CEP83: variants seen among roughly 807,000 people sequenced by gnomAD.
CEP83 encodes the protein centrosomal protein of 83 kDa.
CEP83 carries 70 observed loss-of-function variants against 101.9 expected under a neutral mutation model. The observed-to-expected ratio is 0.69, with a 90% CI of 0.57 to 0.84. CEP83 has a LOEUF of 0.84. Among genes scored for constraint, CEP83 ranks in the 40% least tolerant of loss-of-function variants. The pLI, the probability that CEP83 is intolerant of heterozygous loss-of-function variation, is 0.00. For synonymous variants in CEP83, 264 were observed against 267.9 expected, an observed-to-expected ratio of 0.99 and a Z score of 0.14; for missense variants, 715 against 787.2, an observed-to-expected ratio of 0.91 and a Z score of 1.10.
At position 94,333,654 on chromosome 12, in the gene CEP83, AAG is replaced by A; in HGVS notation, c.1420-17_1420-16del. ...CTACTGATTTGCTTAAAAGAGAAGA[AAG>A]AAGATAAATTAAAGCCCACTAAATA... On this transcript the variant is annotated splice_polypyrimidine_tract_variant and intron_variant, in intron 12 of 16. Coordinates refer to ENST00000397809, the MANE Select transcript of CEP83 (RefSeq NM_016122.3). 6.2e-7 allele frequency: 1 copy of A among 1,608,296 alleles called. No homozygotes were observed. Among genetic ancestry groups the A allele is most frequent in the Non-Finnish European group, 8.5e-7 (1 of 1,178,208 alleles).
chr12:94,352,040 G>T (rs1394136440), intron 11 of CEP83, among the ~76,000 whole-genome samples: 1 of 152,086 alleles, frequency 6.6e-6, no homozygotes, highest in South Asian at 2.1e-4. Context: ...AAATATACAG[G>T]AAAAAGTCCT....
chr12:94,426,316 C>G (rs1477204409), intron 2 of CEP83, among the ~76,000 whole-genome samples: 2 of 152,106 alleles, frequency 1.3e-5, no homozygotes, highest in Non-Finnish European at 2.9e-5. Flanking sequence ...AAACCCAGCT[C>G]AGGAATGCAT....
chr12:94,402,149 G>A (rs1373832469), intron 5 of CEP83: 2 of 152,142 alleles, frequency 1.3e-5, no homozygotes, highest in African/African-American at 4.8e-5. Flanking sequence ...TTCACCAAAG[G>A]AGACTAGTCT....
upstream of CEP83, chr12:94,460,453 G>A (rs2068059684): frequency 6.6e-6 from 1 of 152,594 alleles, no homozygotes; most frequent in Admixed American, 6.5e-5. Context: ...CAGCCCACGA[G>A]TGGGGAGTCG....
At chr12:94,284,541 A>G in the CEP83 span, among the ~76,000 whole-genome samples, 1 of 152,134 alleles carries the variant, frequency 6.6e-6, no homozygotes, top group Non-Finnish European at 1.5e-5. Flanking sequence ...TCACTGTTAT[A>G]GTTTTGCAAT....
At chr12:94,301,706 A>G (rs183852486), downstream of CEP83, among the ~76,000 whole-genome samples, 15 of 152,228 alleles carry the variant, frequency 9.9e-5, no homozygotes, top group East Asian at 2.9e-3. Flanking sequence ...GGACTTTAAG[A>G]GTACCTGGAA....
upstream of CEP83, chr12:94,460,185 GC>G (rs1223827576): frequency 6.6e-6 from 1 of 152,358 alleles, no homozygotes; most frequent in Non-Finnish European, 1.5e-5. Flanking sequence ...GGAAAATCTA[GC>G]CCCGGGCACT....
chr12:94,293,030 T>C, the CEP83 span, among the ~76,000 whole-genome samples: 22 of 152,220 alleles, frequency 1.4e-4, no homozygotes, highest in African/African-American at 5.3e-4. Flanking sequence ...ATATCTAACA[T>C]GATAGTTTTG....
downstream of CEP83, chr12:94,303,898 T>TAA (rs1448792676): frequency 6.2e-7 from 1 of 1,608,334 alleles, no homozygotes; most frequent in South Asian, 1.1e-5. Flanking sequence ...GAATCTAAGG[T>TAA]ATCATTAGAA....
intron 4 of CEP83, among the ~76,000 whole-genome samples, chr12:94,411,276 T>A (rs191349295): frequency 2.6e-5 from 4 of 152,184 alleles, no homozygotes; most frequent in Non-Finnish European, 5.9e-5. Flanking sequence ...ACATAAATTA[T>A]GTTCACATAC....
At chr12:94,328,187 GA>G (rs1308867574) in intron 14 of CEP83, 4 of 195,826 alleles carry the variant, frequency 2.0e-5, no homozygotes, top group East Asian at 1.8e-4. Flanking sequence ...CAAGAAAAAA[GA>G]AAAAAACCCA....
At chr12:94,346,237 G>C (rs2059927439) in intron 11 of CEP83, among the ~76,000 whole-genome samples, 1 of 152,008 alleles carries the variant, frequency 6.6e-6, no homozygotes. Context: ...ATTTTTAGTA[G>C]AGACGGGGTT....
At chr12:94,334,715 T>G (rs1436436831) in intron 12 of CEP83, among the ~76,000 whole-genome samples, 2 of 152,176 alleles carry the variant, frequency 1.3e-5, no homozygotes, top group Non-Finnish European at 2.9e-5. Flanking sequence ...GAGCAATTTT[T>G]AGCAGAATAA....
chr12:94,328,359 T>C, intron 14 of CEP83: 1 of 234,236 alleles, frequency 4.3e-6, no homozygotes, highest in Non-Finnish European at 8.9e-6. Context: ...CAAAGACTAC[T>C]TAAAAACAGC....
intron 4 of CEP83, among the ~76,000 whole-genome samples, chr12:94,407,709 C>T (rs1239129623): frequency 6.6e-6 from 1 of 152,250 alleles, no homozygotes; most frequent in Non-Finnish European, 1.5e-5. Context: ...TCTCCCTCTC[C>T]TATCCCCTAT....
chr12:94,457,858 A>G (rs1158330766), intron 1 of CEP83, among the ~76,000 whole-genome samples: 1 of 152,222 alleles, frequency 6.6e-6, no homozygotes, highest in Non-Finnish European at 1.5e-5. Flanking sequence ...TAAGGGTTCA[A>G]TAAGAGGAGA....
At chr12:94,454,660 G>A (rs150236610) in intron 1 of CEP83, among the ~76,000 whole-genome samples, 19 of 152,302 alleles carry the variant, frequency 1.2e-4, no homozygotes, top group South Asian at 2.1e-4. Context: ...TTTGCTCTTC[G>A]CAATAAATCT....
chr12:94,307,498 A>G (rs780615889), downstream of CEP83: 1 of 152,178 alleles, frequency 6.6e-6, no homozygotes, highest in Non-Finnish European at 1.5e-5. Flanking sequence ...GTGCAAAACC[A>G]TTTATAAACT....
At chr12:94,382,546 A>G (rs890435463) in intron 6 of CEP83, among the ~76,000 whole-genome samples, 1 of 151,610 alleles carries the variant, frequency 6.6e-6, no homozygotes, top group East Asian at 1.9e-4. Flanking sequence ...TTTTCATCCA[A>G]TGTATTTTTT....
Sources: allele counts gnomAD v4.1 joint callset (sites outside exome capture counted in the v4.1 genomes callset), GRCh38; gene constraint gnomAD v4.1.1; transcripts MANE v1.5; gene names NCBI Gene and HGNC (gene_info 2026-07-23, HGNC 2026-07-21).